BBS7: variants seen among roughly 807,000 people sequenced by gnomAD.
The protein encoded by BBS7 is BBSome complex member BBS7.
Under a neutral mutation model 90.3 loss-of-function variants are expected in BBS7, and 50 were observed. The ratio of observed to expected loss-of-function variants is 0.55; its 90% confidence interval spans 0.44 to 0.70. The LOEUF is 0.70. Among genes scored for constraint, BBS7 ranks in the 30% least tolerant of loss-of-function variants. The probability of loss-of-function intolerance (pLI) is 0.00; values close to 1 mark genes in which losing one functional copy is unlikely to be tolerated. For synonymous variants in BBS7, 235 were observed against 287.4 expected (o/e 0.82, Z 1.85); for missense variants, 729 against 838.9 (o/e 0.87, Z 1.62).
intron 3 of BBS7, among the ~76,000 whole-genome samples, chr4:121,862,351 C>G (rs879266340): frequency 2.6e-5 from 4 of 152,010 alleles, no homozygotes; most frequent in Non-Finnish European, 4.4e-5. Flanking sequence ...CCTCCACTTC[C>G]TCCCCATGAC....
intron 2 of BBS7, 57 bp downstream of exon 2, chr4:121,867,921 TAGG>T (rs1470923684): frequency 7.4e-7 from 1 of 1,353,366 alleles, no homozygotes; most frequent in African/African-American, 1.4e-5. Flanking sequence ...AAGAAGGAAA[TAGG>T]AGCCTCTCCT....
Position 121,843,929 on chromosome 4 carries a change from C to A in BBS7, c.1303G>T (p.Glu435Ter). ...AATTCTTTTATATTTTTACTCACCT[C>A]AGAATCACAGCTGCTAAAGCTAACA... ...AVVSFSSCDS[E>*]SNDNFLLATY... Residue 435 changes from glutamate (E) to a stop codon, truncating the protein, a stop_gained and splice_region_variant, in exon 12 of 19, where the codon GAG becomes TAG. Coordinates refer to ENST00000264499, the MANE Select transcript of BBS7 (RefSeq NM_176824.3). LOFTEE classifies it high-confidence loss of function. The A allele has an allele frequency of 6.3e-7, 1 of 1,591,970 alleles. No individual in the cohort carries two copies. The highest frequency in any genetic ancestry group is 8.6e-7 in the Non-Finnish European group (1 of 1,164,348).
Position 121,824,954 on chromosome 4 carries a change from TAATA to T in BBS7, c.*902_*905del, listed in dbSNP as rs1363401071. On this transcript the variant is annotated 3_prime_UTR_variant, in exon 19 of 19. Transcript: ENST00000264499. The surrounding 1 kb of genome is among the most constrained non-coding windows in gnomAD (Gnocchi z 4.1). Reference sequence around the variant, plus strand: ...AAACCTTTCAATATTCCCTTGAAATTAATAAATATGAATTAAGATTAATGCACAA... The same window carrying T: ...AAACCTTTCAATATTCCCTTGAAATTAATATGAATTAAGATTAATGCACAA... 2 of 152,196 alleles carry T rather than the reference TAATA, an allele frequency of 1.3e-5. No homozygotes were observed. Among genetic ancestry groups the T allele is most frequent in the African/African-American group, 2.4e-5 (1 of 41,450 alleles). 9.4% of individuals were successfully genotyped at this position (152,196 alleles called of 1,614,324 possible).
At chr4:121,844,060 A>T in intron 11 of BBS7, 59 bp from the exon 12 acceptor site, 1 of 1,090,086 alleles carries the variant, frequency 9.2e-7, no homozygotes, top group Non-Finnish European at 1.4e-6. Flanking sequence ...ATGTTCATAA[A>T]TTATGTTTTC....
At chr4:121,868,684 CAAAAAAAAAAAAAAAA>C (rs34910805) in intron 1 of BBS7, among the ~76,000 whole-genome samples, 10 of 49,688 alleles carry the variant, frequency 2.0e-4, no homozygotes, top group Admixed American at 5.8e-4. Context: ...GACCCTGTTT[CAAAAAAAAAAAAAAAA>C]AAAAAAAAAA....
At chr4:121,838,083 G>A (rs557854850) in intron 13 of BBS7, among the ~76,000 whole-genome samples, 114 of 149,028 alleles carry the variant, frequency 7.6e-4, no homozygotes, top group African/African-American at 2.6e-3. Flanking sequence ...CAGTCTGGGC[G>A]ACAGAGCAAG....
intron 1 of BBS7, 130 bp downstream of exon 1, chr4:121,870,148 G>A (rs1650348615): frequency 1.7e-6 from 2 of 1,150,230 alleles, no homozygotes; most frequent in Admixed American, 3.5e-5. Context: ...CTGAGAGGTC[G>A]GCACCCAGCC....
rs34910805 is a variant in BBS7, at chr4:121,868,684, CAAAAAAAAAAAAA to C, written c.37-651_37-639del. ...TGCGTGACAGAACAAGACCCTGTTT[CAAAAAAAAAAAAA>C]AAAAAAAAAAAAAAAAAAAGAAGAT... On this transcript the variant is annotated intron_variant, in intron 1 of 18. Transcript: ENST00000264499. Among the ~76,000 whole-genome samples the C allele has an allele frequency of 2.8e-3, 141 of 49,698 alleles. 3 individuals are homozygous for C. Among genetic ancestry groups the C allele is most frequent in the Non-Finnish European group, 3.6e-3 (104 of 28,782 alleles). 32.6% of individuals were successfully genotyped at this position (49,698 alleles called of 152,430 possible). A position where few individuals can be genotyped will look rare whatever the true frequency, so the allele number is the denominator to read the frequency against.
chr4:121,834,949 C>T (rs1302728176), intron 14 of BBS7, among the ~76,000 whole-genome samples, 195 bp downstream of exon 14: 1 of 151,994 alleles, frequency 6.6e-6, no homozygotes, highest in African/African-American at 2.4e-5. Flanking sequence ...ATGGGAAAGT[C>T]CAACTCAAAC....
chr4:121,866,612 G>A lies in BBS7; in HGVS notation c.102+1369C>T, dbSNP rs533989197. Among the ~76,000 whole-genome samples the A allele has an allele frequency of 9.2e-5, 14 of 152,216 alleles. No individual in the cohort carries two copies. The East Asian group carries it at 2.5e-3, about 27-fold the overall frequency. ...TTGTGTTCATTTTTATATGGGGTGA[G>A]AGGTGGGGGTCTTGGTTTCATCCTT... On this transcript the variant is annotated intron_variant, in intron 2 of 18. Transcript: ENST00000264499.
At chr4:121,831,740 T>C (rs2149052224) in intron 15 of BBS7, among the ~76,000 whole-genome samples, 1 of 152,248 alleles carries the variant, frequency 6.6e-6, no homozygotes, top group African/African-American at 2.4e-5. Context: ...TAAAAACCAA[T>C]TAGATTTCTG....
At chr4:121,856,377 TATACTC>T (rs1726669974) in intron 5 of BBS7, among the ~76,000 whole-genome samples, 2 of 152,240 alleles carry the variant, frequency 1.3e-5, no homozygotes, top group Admixed American at 1.3e-4. Flanking sequence ...TAGAAGTACT[TATACTC>T]ACATGGAAAA....
intron 4 of BBS7, 77 bp downstream of exon 4, chr4:121,861,427 G>C (rs1211928375): frequency 2.1e-5 from 28 of 1,325,270 alleles, no homozygotes; most frequent in Non-Finnish European, 2.7e-5. Context: ...ATTAAGATAT[G>C]ATACTTAGTT....
intron 1 of BBS7, 28 bp downstream of exon 1, chr4:121,870,250 C>A: frequency 6.2e-7 from 1 of 1,613,466 alleles, no homozygotes; most frequent in Non-Finnish European, 8.5e-7. Context: ...TTGCCCAGCG[C>A]GGCGCCCGCC....
intron 2 of BBS7, among the ~76,000 whole-genome samples, chr4:121,865,068 T>C (rs1356836314): frequency 6.6e-6 from 1 of 152,132 alleles, no homozygotes; most frequent in Non-Finnish European, 1.5e-5. Flanking sequence ...CTTTGCAGCC[T>C]CTAGTATTCT....
intron 12 of BBS7, among the ~76,000 whole-genome samples, chr4:121,842,145 G>C (rs1284479793): frequency 6.6e-6 from 1 of 151,186 alleles, no homozygotes; most frequent in African/African-American, 2.4e-5. Context: ...CCAGCTACTT[G>C]GGAGTCTTGA....
intron 2 of BBS7, among the ~76,000 whole-genome samples, chr4:121,867,506 T>G (rs902886242): frequency 5.8e-4 from 88 of 152,332 alleles, no homozygotes; most frequent in African/African-American, 2.0e-3. Flanking sequence ...GATAAAGTAT[T>G]TTTTTGCAGC....
At chr4:121,828,527 C>G (rs1466584878) in intron 16 of BBS7, 22 bp from the exon 17 acceptor site, 1 of 1,582,680 alleles carries the variant, frequency 6.3e-7, no homozygotes. Flanking sequence ...TGACCAGATG[C>G]AGTTAGATAA....
At chr4:121,832,652 C>T (rs1053660847) in intron 15 of BBS7, among the ~76,000 whole-genome samples, 3 of 152,122 alleles carry the variant, frequency 2.0e-5, no homozygotes, top group Non-Finnish European at 2.9e-5. Context: ...TAATGACCTC[C>T]GCACCATATC....
Sources: allele counts gnomAD v4.1 joint callset (sites outside exome capture counted in the v4.1 genomes callset), GRCh38; gene constraint gnomAD v4.1.1; non-coding constraint Gnocchi (gnomAD v3.1); transcripts MANE v1.5; gene names NCBI Gene and HGNC (gene_info 2026-07-23, HGNC 2026-07-21).